Variants in ASCC3 observed in about 807,000 individuals in gnomAD.
ASCC3 encodes the protein ASC-1 complex subunit P200.
A neutral mutation model predicts 256.3 loss-of-function variants in ASCC3; 158 were observed. The ratio of observed to expected loss-of-function variants is 0.62; its 90% CI spans 0.54 to 0.70. The LOEUF is 0.70. ASCC3 is among the 30% of genes least tolerant of loss of function. ASCC3 has a pLI of 0.00. For missense variants in ASCC3, 2,259 were observed against 2,626.0 expected (o/e 0.86, Z 3.05); for synonymous variants, 948 against 883.4 (o/e 1.07, Z -1.30).
At chr6:100,536,336 TG>T (rs1448219345) in intron 37 of ASCC3, among the ~76,000 whole-genome samples, 1 of 152,180 alleles carries the variant, frequency 6.6e-6, no homozygotes, top group Non-Finnish European at 1.5e-5. Flanking sequence ...TAAATATAGA[TG>T]TTTTTACACA....
At chr6:100,816,733 C>A (rs1329003696) in intron 4 of ASCC3, among the ~76,000 whole-genome samples, 1 of 151,920 alleles carries the variant, frequency 6.6e-6, no homozygotes, top group Non-Finnish European at 1.5e-5. Context: ...AGAGGAACAA[C>A]AGATACTGGG....
At chr6:100,777,095 G>A (rs1338684154) in intron 8 of ASCC3, among the ~76,000 whole-genome samples, 1 of 151,982 alleles carries the variant, frequency 6.6e-6, no homozygotes, top group Non-Finnish European at 1.5e-5. Context: ...TAAGTCACGA[G>A]ATTAAAAATC....
intron 33 of ASCC3, among the ~76,000 whole-genome samples, chr6:100,602,489 G>A (rs1301946268): frequency 1.3e-5 from 2 of 151,970 alleles, no homozygotes; most frequent in Admixed American, 6.6e-5. Context: ...ACTTTCAGGA[G>A]ATGAGGACAG....
chr6:100,840,862 T>C (rs866084742), intron 4 of ASCC3, among the ~76,000 whole-genome samples: 4 of 152,056 alleles, frequency 2.6e-5, no homozygotes, highest in South Asian at 2.1e-4. Flanking sequence ...AAATTATGGA[T>C]ATATTTTTCA....
chr6:100,568,619 T>G (rs1304652708), intron 36 of ASCC3, among the ~76,000 whole-genome samples: 2 of 151,844 alleles, frequency 1.3e-5, no homozygotes, highest in African/African-American at 2.4e-5. Context: ...GACACATGGT[T>G]TGTGAATATT....
chr6:100,776,511 T>C (rs1311407824), intron 8 of ASCC3, among the ~76,000 whole-genome samples: 1 of 152,092 alleles, frequency 6.6e-6, no homozygotes, highest in Non-Finnish European at 1.5e-5. Context: ...TGATCTTACA[T>C]ATGCTTATCT....
intron 36 of ASCC3, among the ~76,000 whole-genome samples, chr6:100,568,783 A>T (rs1459034022): frequency 1.8e-3 from 255 of 141,196 alleles, no homozygotes; most frequent in African/African-American, 7.0e-3. Context: ...TATTATTATT[A>T]TTATTATTTT....
chr6:100,554,702 T>C (rs1468561838), intron 36 of ASCC3, among the ~76,000 whole-genome samples: 2 of 152,174 alleles, frequency 1.3e-5, no homozygotes, highest in Non-Finnish European at 2.9e-5. Flanking sequence ...ATTTCCCTGA[T>C]AGGAATCCTG....
At chr6:100,784,175 ATAAAACT>A (rs1782584367) in intron 8 of ASCC3, among the ~76,000 whole-genome samples, 1 of 152,196 alleles carries the variant, frequency 6.6e-6, no homozygotes, top group African/African-American at 2.4e-5. Context: ...AACATAATTT[ATAAAACT>A]AAATATGAAA....
intron 13 of ASCC3, chr6:100,715,173 T>A: frequency 4.2e-6 from 1 of 240,336 alleles, no homozygotes; most frequent in South Asian, 8.3e-5. Flanking sequence ...TTATATATAT[T>A]ACATTTCAAT....
intron 38 of ASCC3, among the ~76,000 whole-genome samples, chr6:100,517,121 T>C (rs1582373287): frequency 2.0e-5 from 3 of 152,054 alleles, no homozygotes; most frequent in Middle Eastern, 3.2e-3. Flanking sequence ...GGACATCCCA[T>C]GGTAAGAACC....
intron 13 of ASCC3, among the ~76,000 whole-genome samples, chr6:100,685,926 T>A (rs1472360782): frequency 6.6e-6 from 1 of 152,196 alleles, no homozygotes; most frequent in Non-Finnish European, 1.5e-5. Context: ...GACACTCAAG[T>A]CATCTGACCA....
At chr6:100,613,070 CTTT>C (rs529659670) in intron 30 of ASCC3, among the ~76,000 whole-genome samples, 1 of 142,648 alleles carries the variant, frequency 7.0e-6, no homozygotes, top group East Asian at 2.0e-4. Context: ...TTCTTTCTTT[CTTT>C]TTTTTTTCAG....
chr6:100,581,164 T>A (rs1356056289), intron 36 of ASCC3, among the ~76,000 whole-genome samples: 1 of 152,168 alleles, frequency 6.6e-6, no homozygotes, highest in Non-Finnish European at 1.5e-5. Context: ...CACACTGACT[T>A]CCACAATGGT....
chr6:100,650,758 T>G (rs1339645148), intron 19 of ASCC3, 44 bp from the exon 20 acceptor site: 1 of 1,487,084 alleles, frequency 6.7e-7, no homozygotes, highest in Non-Finnish European at 9.3e-7. Context: ...GGCTGATTTA[T>G]TTAAATTTTT....
chr6:100,646,102 T>A (rs1171200799), intron 22 of ASCC3, among the ~76,000 whole-genome samples: 1 of 152,068 alleles, frequency 6.6e-6, no homozygotes, highest in Non-Finnish European at 1.5e-5. Flanking sequence ...AAAGTAGACA[T>A]GGCAAAAATG....
chr6:100,792,233 G>T (rs1291018611), intron 8 of ASCC3, among the ~76,000 whole-genome samples: 13 of 151,764 alleles, frequency 8.6e-5, no homozygotes, highest in Admixed American at 8.6e-4. Context: ...ACTTCCTGTT[G>T]ATACACTAAA....
chr6:100,519,724 A>G (rs963637598), intron 37 of ASCC3, among the ~76,000 whole-genome samples: 6 of 152,130 alleles, frequency 3.9e-5, no homozygotes, highest in Admixed American at 1.3e-4. Flanking sequence ...TTCCAGACCA[A>G]AAGCTCACAT....
chr6:100,811,710 C>T (rs930741249), intron 4 of ASCC3, among the ~76,000 whole-genome samples: 2 of 151,946 alleles, frequency 1.3e-5, no homozygotes, highest in Non-Finnish European at 2.9e-5. Context: ...AAATTTGAAG[C>T]CTAAGTACTC....
Sources: gnomAD v4.1 joint callset for allele counts (sites outside exome capture counted in the v4.1 genomes callset) on GRCh38, gnomAD v4.1.1 for gene constraint, MANE v1.5 for transcripts, NCBI Gene and HGNC (gene_info 2026-07-23, HGNC 2026-07-21) for gene names.